NEK11: variants seen among roughly 807,000 people sequenced by gnomAD.
NEK11 encodes the protein NIMA related kinase 11.
NEK11 carries 72 observed loss-of-function variants against 80.7 expected under a neutral mutation model. The observed-to-expected ratio is 0.89, with a 90% CI of 0.74 to 1.08. NEK11 has a LOEUF of 1.08. Ranked by LOEUF, NEK11 falls within the 50% of genes least tolerant of loss-of-function variation. The pLI is 0.00. For synonymous variants in NEK11, 251 were observed against 260.7 expected, an observed-to-expected ratio of 0.96 and a Z score of 0.36; for missense variants, 764 against 763.6, an observed-to-expected ratio of 1.00 and a Z score of -0.01.
At chr3:131,050,025 G>A (rs1276247120) in intron 3 of NEK11, among the ~76,000 whole-genome samples, 1 of 151,940 alleles carries the variant, frequency 6.6e-6, no homozygotes, top group East Asian at 1.9e-4. Flanking sequence ...ACACTGAGAG[G>A]CACTAACTAC....
chr3:131,245,342 C>T lies in NEK11; in HGVS notation c.1621+1846C>T, dbSNP rs146538188. Among the ~76,000 whole-genome samples, 52 of 143,008 alleles carry T rather than the reference C, an allele frequency of 3.6e-4. No homozygotes were observed. The East Asian group carries it at 9.9e-3, about 27-fold the overall frequency. The allele number at this position is 143,008 out of a possible 152,430, so 93.8% of individuals were successfully genotyped here. ...GTGTGTGTGTGTACTGTTATCCAATCGTCCTTTGACGGACACTTAGGTTGG... is the reference window on the plus strand; with the variant it reads ...GTGTGTGTGTGTACTGTTATCCAATTGTCCTTTGACGGACACTTAGGTTGG... On this transcript the variant is annotated intron_variant, in intron 16 of 17. Transcript: ENST00000383366.
intron 14 of NEK11, among the ~76,000 whole-genome samples, chr3:131,212,477 C>T (rs1338331660): frequency 6.6e-6 from 1 of 152,212 alleles, no homozygotes; most frequent in South Asian, 2.1e-4. Context: ...TGTCCATTCT[C>T]AGATCTCAAA....
chr3:131,255,716 T>A (rs760253589), intron 16 of NEK11, among the ~76,000 whole-genome samples: 3 of 152,172 alleles, frequency 2.0e-5, no homozygotes, highest in African/African-American at 7.2e-5. Flanking sequence ...TAAGTGATTA[T>A]TGAAAAAAAA....
chr3:131,080,628 T>A (rs1349825138), intron 4 of NEK11, 40 bp downstream of exon 4: 2 of 1,554,356 alleles, frequency 1.3e-6, no homozygotes, highest in Admixed American at 4.0e-5. Context: ...TTATAAAAAC[T>A]TGCTGAATGG....
chr3:131,138,564 A>C (rs968261441), intron 7 of NEK11, among the ~76,000 whole-genome samples: 2 of 152,004 alleles, frequency 1.3e-5, no homozygotes, highest in Admixed American at 6.6e-5. Context: ...TTGAGTGAAC[A>C]TAGGTAATAG....
intron 4 of NEK11, among the ~76,000 whole-genome samples, chr3:131,093,357 A>G (rs2076987215): frequency 6.6e-6 from 1 of 152,172 alleles, no homozygotes; most frequent in Non-Finnish European, 1.5e-5. Context: ...GGTTTTTCCT[A>G]CTATTAGATT....
chr3:131,329,738 G>T (rs188584316), intron 17 of NEK11: 27 of 152,346 alleles, frequency 1.8e-4, no homozygotes, highest in African/African-American at 6.5e-4. Context: ...TCCAGAGAAA[G>T]AGCATTCTAG....
intron 17 of NEK11, among the ~76,000 whole-genome samples, chr3:131,346,822 A>C (rs1157677671): frequency 6.6e-6 from 1 of 152,134 alleles, no homozygotes; most frequent in Non-Finnish European, 1.5e-5. Flanking sequence ...TCAATTTCAG[A>C]GGTCATGTAG....
chr3:131,310,086 T>C (rs1442039916), intron 17 of NEK11, among the ~76,000 whole-genome samples: 1 of 142,154 alleles, frequency 7.0e-6, no homozygotes, highest in Non-Finnish European at 1.5e-5. Flanking sequence ...AAAAGACACA[T>C]GATTTAGACA....
chr3:131,167,529 G>A (rs773383984), intron 12 of NEK11, among the ~76,000 whole-genome samples: 2 of 151,998 alleles, frequency 1.3e-5, no homozygotes, highest in Non-Finnish European at 2.9e-5. Flanking sequence ...TTATTGGATG[G>A]AATTATTATT....
intron 17 of NEK11, among the ~76,000 whole-genome samples, chr3:131,332,055 G>C (rs1464570038): frequency 4.6e-5 from 7 of 152,220 alleles, no homozygotes; most frequent in African/African-American, 2.4e-5. Context: ...CAAACAAAAA[G>C]ACAGCAGTAA....
chr3:131,064,177 G>T (rs911495934), intron 3 of NEK11, among the ~76,000 whole-genome samples: 2 of 152,166 alleles, frequency 1.3e-5, no homozygotes, highest in African/African-American at 4.8e-5. Context: ...AGTGGGAATG[G>T]GTAGTGATTG....
chr3:131,301,475 CT>C (rs1223489753), intron 17 of NEK11, among the ~76,000 whole-genome samples: 100 of 144,958 alleles, frequency 6.9e-4, no homozygotes, highest in Admixed American at 6.9e-4. Context: ...AATGCTACAG[CT>C]TTTTTTTTTT....
intron 14 of NEK11, among the ~76,000 whole-genome samples, chr3:131,187,688 G>T (rs2093650902): frequency 6.6e-6 from 1 of 152,082 alleles, no homozygotes; most frequent in Non-Finnish European, 1.5e-5. Context: ...CTAAATAGAA[G>T]AAATGAGTAC....
chr3:131,170,731 C>T (rs770926961), intron 13 of NEK11, 42 bp from the exon 14 acceptor site: 2 of 1,218,288 alleles, frequency 1.6e-6, no homozygotes, highest in Non-Finnish European at 2.4e-6. Flanking sequence ...GTGCTGTTTC[C>T]TTCTATCAGC....
At chr3:131,226,508 T>C (rs1268422849) in intron 14 of NEK11, among the ~76,000 whole-genome samples, 1 of 152,030 alleles carries the variant, frequency 6.6e-6, no homozygotes. Flanking sequence ...AAAAAAAGAA[T>C]GAAATACTGT....
chr3:131,262,046 C>T (rs752490698), intron 16 of NEK11, among the ~76,000 whole-genome samples: 1 of 151,302 alleles, frequency 6.6e-6, no homozygotes, highest in Non-Finnish European at 1.5e-5. Context: ...TATTGACCAA[C>T]AAAATAAAAG....
chr3:131,291,219 T>G (rs1013488267), intron 17 of NEK11, among the ~76,000 whole-genome samples: 4 of 152,214 alleles, frequency 2.6e-5, no homozygotes, highest in African/African-American at 9.6e-5. Context: ...TTCTTTCACT[T>G]AGTAATATTT....
intron 3 of NEK11, among the ~76,000 whole-genome samples, chr3:131,049,487 CT>C (rs2067986687): frequency 6.6e-6 from 1 of 152,122 alleles, no homozygotes; most frequent in Admixed American, 6.5e-5. Flanking sequence ...ACTCTTCTTG[CT>C]TTTAGATGAC....
Sources: gnomAD v4.1 joint callset for allele counts (sites outside exome capture counted in the v4.1 genomes callset) on GRCh38, gnomAD v4.1.1 for gene constraint, MANE v1.5 for transcripts, NCBI Gene and HGNC (gene_info 2026-07-23, HGNC 2026-07-21) for gene names.